ERP27: variants seen among roughly 807,000 people sequenced by gnomAD.
ERP27 encodes the protein endoplasmic reticulum resident protein 27.
Under a neutral mutation model 27.7 loss-of-function variants are expected in ERP27, and 23 were observed. That is an observed-to-expected ratio of 0.83 (90% CI 0.60 to 1.18). The LOEUF (loss-of-function observed/expected upper bound fraction) is 1.18. Among genes scored for constraint, ERP27 ranks in the 50% most tolerant of loss-of-function variants. The pLI is 0.00. For missense variants in ERP27, 363 were observed against 327.9 expected, an observed-to-expected ratio of 1.11 and a Z score of -0.83; for synonymous variants, 159 against 118.3, an observed-to-expected ratio of 1.34 and a Z score of -2.23.
Position 14,938,497 on chromosome 12 carries a change from G to T in ERP27, c.12C>A (p.Ala4=), listed in dbSNP as rs754360287. Residue 4 remains alanine (A), a synonymous_variant, in exon 1 of 7, where the codon GCC becomes GCA. Transcript: ENST00000266397. The part of the protein sequence containing the change: MEA[A]PSRFMFLLFL... ...ATAAGAGGAACATGAACCTGGACGG[G>T]GCAGCTTCCATTGTCCCTCTCCTGC... 6.2e-7 allele frequency: 1 copy of T among 1,611,898 alleles called. No homozygotes were observed. Among genetic ancestry groups the T allele is most frequent in the South Asian group, 1.1e-5 (1 of 90,894 alleles).
Position 14,938,494 on chromosome 12 carries a change from C to G in ERP27, c.15G>C (p.Pro5=). The G allele has an allele frequency of 1.2e-6, 2 of 1,612,416 alleles. No homozygotes were observed. Among genetic ancestry groups the G allele is most frequent in the Non-Finnish European group, 1.7e-6 (2 of 1,179,224 alleles). The change falls in exon 1 of 7, where the codon CCG becomes CCC. Residue 5 remains proline (P), a synonymous_variant. Transcript: ENST00000266397. ...GAAATAAGAGGAACATGAACCTGGA[C>G]GGGGCAGCTTCCATTGTCCCTCTCC... MEAA[P]SRFMFLLFLL...
chr12:14,929,784 A>T (rs1202719190), intron 3 of ERP27, among the ~76,000 whole-genome samples: 1 of 152,154 alleles, frequency 6.6e-6, no homozygotes, highest in Non-Finnish European at 1.5e-5. Flanking sequence ...GGAATTTTCT[A>T]ACAACCCAGA....
In ERP27 at chr12:14,932,331, G is replaced by A. The variant is rs184802532; in HGVS notation, c.333+2525C>T. 6.8e-4 allele frequency among the ~76,000 whole-genome samples: 104 copies of A among 152,268 alleles called. 1 individual carries two copies. The Middle Eastern group carries it at 0.01, about 15-fold the overall frequency. Reference sequence around the variant, plus strand: ...AGATTCCAGAGATATTTCCTGAAGGGTAACATTCCTGAACTGATTCACTGG... The same window carrying A: ...AGATTCCAGAGATATTTCCTGAAGGATAACATTCCTGAACTGATTCACTGG... On this transcript the variant is annotated intron_variant, in intron 3 of 6. Coordinates refer to ENST00000266397, the MANE Select transcript of ERP27 (RefSeq NM_152321.4).
intron 3 of ERP27, among the ~76,000 whole-genome samples, chr12:14,930,088 C>T (rs560924219): frequency 3.4e-4 from 51 of 151,752 alleles, no homozygotes; most frequent in African/African-American, 1.1e-3. Context: ...ACCTAGGTGA[C>T]GGGTAGATAG....
At chr12:14,932,469 T>C (rs1325223406) in intron 3 of ERP27, among the ~76,000 whole-genome samples, 4 of 152,120 alleles carry the variant, frequency 2.6e-5, no homozygotes, top group Non-Finnish European at 1.5e-5. Flanking sequence ...GGATGATCAT[T>C]ATGTGTATAG....
chr12:14,921,083 C>T (rs1863496172), intron 3 of ERP27, 35 bp from the exon 4 acceptor site: 3 of 1,560,654 alleles, frequency 1.9e-6, no homozygotes, highest in Non-Finnish European at 2.6e-6. Context: ...GTCACTATTC[C>T]ATCTTTTTTT....
At chr12:14,919,960 A>G (rs1863475238) in intron 4 of ERP27, among the ~76,000 whole-genome samples, 1 of 152,226 alleles carries the variant, frequency 6.6e-6, no homozygotes, top group Admixed American at 6.5e-5. Flanking sequence ...AAAAAAATCA[A>G]TATGAGGATT....
chr12:14,920,484 T>C (rs898040451), intron 4 of ERP27, among the ~76,000 whole-genome samples: 1 of 152,204 alleles, frequency 6.6e-6, no homozygotes, highest in African/African-American at 2.4e-5. Flanking sequence ...TTTTTTTGTT[T>C]GTCTTTCATT....
chr12:14,935,252 A>C (rs2120626552), intron 2 of ERP27: 1 of 671,792 alleles, frequency 1.5e-6, no homozygotes, highest in Non-Finnish European at 1.8e-6. Flanking sequence ...TAGAGCTTGA[A>C]GTTTACTAGG....
chr12:14,935,040 C>T lies in ERP27; in HGVS notation c.196-47G>A, dbSNP rs369839489. The T allele has an allele frequency of 1.3e-4, 202 of 1,588,370 alleles. No individual in the cohort carries two copies. In the African/African-American group the frequency reaches 2.5e-3, roughly 19 times the overall value. ...ATACCACAGTGGTTATTTCGAAGGGCAGAGACAAACGATAGGCAAAAGAAA... is the reference window on the plus strand; with the variant it reads ...ATACCACAGTGGTTATTTCGAAGGGTAGAGACAAACGATAGGCAAAAGAAA... On this transcript the variant is annotated intron_variant, in intron 2 of 6. Transcript: ENST00000266397.
At chr12:14,917,034 G>C in intron 5 of ERP27, 144 bp downstream of exon 5, 1 of 871,724 alleles carries the variant, frequency 1.1e-6, no homozygotes, top group South Asian at 1.8e-5. Context: ...TTCAAATAAT[G>C]TGATTTATTA....
chr12:14,919,045 C>CG (rs1297918707), intron 4 of ERP27, among the ~76,000 whole-genome samples: 1 of 152,122 alleles, frequency 6.6e-6, no homozygotes, highest in African/African-American at 2.4e-5. Context: ...GACACCTTGA[C>CG]GCCAAGTACT....
intron 3 of ERP27, chr12:14,929,146 T>A: frequency 7.0e-7 from 1 of 1,420,216 alleles, no homozygotes; most frequent in Non-Finnish European, 9.2e-7. Context: ...AATCCCCCCC[T>A]CCCTGTACTC....
chr12:14,921,685 A>C (rs1294116118), intron 3 of ERP27, among the ~76,000 whole-genome samples: 1 of 152,228 alleles, frequency 6.6e-6, no homozygotes, highest in African/African-American at 2.4e-5. Context: ...AGCTCAGCAA[A>C]TTATCACAGA....
At chr12:14,933,297 A>G (rs1238671153) in intron 3 of ERP27, among the ~76,000 whole-genome samples, 1 of 152,206 alleles carries the variant, frequency 6.6e-6, no homozygotes, top group Non-Finnish European at 1.5e-5. Context: ...AAGAGATTAT[A>G]AAAGCAGCAG....
intron 3 of ERP27, among the ~76,000 whole-genome samples, chr12:14,934,419 ATCGG>A (rs1863744287): frequency 1.3e-5 from 2 of 152,168 alleles, no homozygotes; most frequent in African/African-American, 4.8e-5. Context: ...TGTTTTTATT[ATCGG>A]TATCTTGCAT....
intron 3 of ERP27, among the ~76,000 whole-genome samples, chr12:14,926,135 TG>T (rs1233853001): frequency 6.6e-6 from 1 of 152,258 alleles, no homozygotes; most frequent in Non-Finnish European, 1.5e-5. Context: ...TATTCAATTT[TG>T]TCAGTTTCTG....
chr12:14,929,563 A>T (rs1863666054), intron 3 of ERP27, among the ~76,000 whole-genome samples: 1 of 152,216 alleles, frequency 6.6e-6, no homozygotes, highest in Admixed American at 6.5e-5. Context: ...AAAGAATTTT[A>T]CTTAAAATAT....
intron 3 of ERP27, among the ~76,000 whole-genome samples, chr12:14,923,492 A>AATCC (rs1555098901): frequency 7.1e-6 from 1 of 141,160 alleles, no homozygotes; most frequent in Non-Finnish European, 1.5e-5. Flanking sequence ...ATCTATAATC[A>AATCC]ATCTATCTAT....
Sources: gnomAD v4.1 joint callset for allele counts (sites outside exome capture counted in the v4.1 genomes callset) on GRCh38, gnomAD v4.1.1 for gene constraint, MANE v1.5 for transcripts, NCBI Gene and HGNC (gene_info 2026-07-23, HGNC 2026-07-21) for gene names.